Variants in LTBP1 observed in about 807,000 individuals in gnomAD.
The protein encoded by LTBP1 is latent transforming growth factor beta binding protein 1.
Under a neutral mutation model 207.6 loss-of-function variants are expected in LTBP1, and 129 were observed. The ratio of observed to expected loss-of-function variants is 0.62; its 90% CI spans 0.54 to 0.72. LTBP1 has a LOEUF of 0.72. LTBP1 is among the 30% of genes least tolerant of loss of function. The pLI, the probability that LTBP1 is intolerant of heterozygous loss-of-function variation, is 0.00. For missense variants in LTBP1, 2,281 were observed against 2,217.2 expected, an observed-to-expected ratio of 1.03 and a Z score of -0.58; for synonymous variants, 963 against 833.7, an observed-to-expected ratio of 1.16 and a Z score of -2.67.
intron 7 of LTBP1, among the ~76,000 whole-genome samples, chr2:33,208,905 T>A (rs554188012): frequency 1.4e-5 from 2 of 145,804 alleles, no homozygotes; most frequent in South Asian, 4.4e-4. Flanking sequence ...TCTCGCTCTG[T>A]CTCCCAGGCT....
At chr2:33,071,516 A>G (rs940569620) in intron 3 of LTBP1, among the ~76,000 whole-genome samples, 1 of 152,162 alleles carries the variant, frequency 6.6e-6, no homozygotes, top group Non-Finnish European at 1.5e-5. Context: ...CACAGCATCT[A>G]GGAGGTGGCT....
intron 24 of LTBP1, among the ~76,000 whole-genome samples, chr2:33,335,421 A>G (rs954501845): frequency 9.9e-5 from 15 of 151,922 alleles, no homozygotes; most frequent in Admixed American, 9.8e-4. Flanking sequence ...GCCTATTCCC[A>G]TCTCCTAGAA....
intron 31 of LTBP1, among the ~76,000 whole-genome samples, chr2:33,373,034 A>G (rs1398659425): frequency 1.3e-5 from 2 of 152,172 alleles, no homozygotes; most frequent in Non-Finnish European, 2.9e-5. Flanking sequence ...GTCTTTTTAT[A>G]TTGTTAAAAT....
chr2:33,142,845 C>T (rs141301995), intron 5 of LTBP1, among the ~76,000 whole-genome samples: 1 of 152,284 alleles, frequency 6.6e-6, no homozygotes, highest in Non-Finnish European at 1.5e-5. Flanking sequence ...TTGTGCTAGG[C>T]CAGCCTGGAA....
chr2:32,979,944 A>G (rs924708951), intron 2 of LTBP1, among the ~76,000 whole-genome samples: 5 of 152,014 alleles, frequency 3.3e-5, no homozygotes, highest in Non-Finnish European at 5.9e-5. Flanking sequence ...TTCTCTTTTT[A>G]TAATATTTGT....
intron 3 of LTBP1, among the ~76,000 whole-genome samples, chr2:33,093,773 G>T (rs2079234944): frequency 1.3e-5 from 2 of 151,922 alleles, no homozygotes; most frequent in Admixed American, 1.3e-4. Context: ...GAATTCCACT[G>T]AGAACTATTA....
intron 5 of LTBP1, among the ~76,000 whole-genome samples, chr2:33,171,995 C>T (rs2148449176): frequency 6.6e-6 from 1 of 152,334 alleles, no homozygotes; most frequent in South Asian, 2.1e-4. Flanking sequence ...CCTAAAAGAG[C>T]TCCTGAAGGA....
At chr2:33,331,504 G>A (rs943718598) in intron 24 of LTBP1, among the ~76,000 whole-genome samples, 8 of 151,946 alleles carry the variant, frequency 5.3e-5, no homozygotes, top group African/African-American at 1.9e-4. Flanking sequence ...TTAATATCCA[G>A]ATGTTTGGGT....
At chr2:33,282,899 C>T (rs2093587741) in intron 19 of LTBP1, among the ~76,000 whole-genome samples, 1 of 151,920 alleles carries the variant, frequency 6.6e-6, no homozygotes, top group Admixed American at 6.6e-5. Context: ...CCTGTCTCTA[C>T]TAAAAATACA....
At chr2:32,980,087 C>T (rs1314553092) in intron 2 of LTBP1, among the ~76,000 whole-genome samples, 1 of 151,940 alleles carries the variant, frequency 6.6e-6, no homozygotes, top group Non-Finnish European at 1.5e-5. Context: ...TTCTTATAGG[C>T]AACATACTGT....
intron 22 of LTBP1, among the ~76,000 whole-genome samples, chr2:33,304,040 G>GA (rs1165571690): frequency 6.6e-6 from 1 of 152,208 alleles, no homozygotes. Context: ...CATTTTAACA[G>GA]AAGTCTAAGG....
chr2:32,993,544 G>A (rs1684764882), intron 2 of LTBP1, among the ~76,000 whole-genome samples: 1 of 152,158 alleles, frequency 6.6e-6, no homozygotes, highest in South Asian at 2.1e-4. Context: ...ATGTTTAGAA[G>A]ACTTTTAGAA....
Position 32,995,042 on chromosome 2 carries a change from G to C in LTBP1, c.566-25867G>C, listed in dbSNP as rs1338645449. On this transcript the variant is annotated intron_variant, in intron 2 of 33. Transcript: ENST00000404816. ...CCATCTTTTAAAAAATACTTAGCTAGGTGTGGTAGTACGTGCCTGTAGTCT... is the reference window on the plus strand; with the variant it reads ...CCATCTTTTAAAAAATACTTAGCTACGTGTGGTAGTACGTGCCTGTAGTCT... Among the ~76,000 whole-genome samples, 3 of 152,092 alleles carry C rather than the reference G, an allele frequency of 2.0e-5. No homozygotes were observed. In the East Asian group the frequency reaches 5.8e-4, roughly 29 times the overall value.
At chr2:33,135,870 TACTC>T (rs1431416477) in intron 5 of LTBP1, among the ~76,000 whole-genome samples, 2 of 152,328 alleles carry the variant, frequency 1.3e-5, no homozygotes, top group South Asian at 2.1e-4. Context: ...CTTTCTGAGT[TACTC>T]ACAAGAATAA....
chr2:33,174,133 A>G (rs918269904), intron 5 of LTBP1, among the ~76,000 whole-genome samples: 12 of 147,810 alleles, frequency 8.1e-5, no homozygotes, highest in Admixed American at 1.4e-4. Flanking sequence ...CCTATTCAAC[A>G]TAGTGTTGGA....
At chr2:33,353,789 G>C (rs571560366) in intron 26 of LTBP1, among the ~76,000 whole-genome samples, 13 of 151,062 alleles carry the variant, frequency 8.6e-5, no homozygotes, top group East Asian at 2.0e-4. Context: ...TGGTAGTTCT[G>C]ACAATTGAAC....
chr2:33,397,598 C>G (rs1465728745), intron 33 of LTBP1, among the ~76,000 whole-genome samples: 2 of 149,050 alleles, frequency 1.3e-5, no homozygotes, highest in African/African-American at 2.5e-5. Flanking sequence ...ACTTCTGCCT[C>G]CCAGGTTCAA....
In LTBP1 at chr2:33,365,384, G is replaced by C. The variant is rs146440247; in HGVS notation, c.4592G>C (p.Ser1531Thr). The part of the protein sequence containing the change: ...VYQDLCWEHL[S>T]DEYVCSRPLV... ...CAAGATTTGTGCTGGGAACATCTGA[G>C]TGATGAATACGTGTGTAGCCGGCCT... is the stretch of plus-strand genomic sequence containing the variant. The change falls in exon 31 of 34, where the codon AGT (serine) becomes ACT (threonine). Residue 1531 changes from serine to threonine, a missense_variant. Physicochemically the swap from Ser to Thr is moderately conservative, Grantham distance 58. Coordinates refer to ENST00000404816, the MANE Select transcript of LTBP1 (RefSeq NM_206943.4). The C allele has an allele frequency of 1.2e-6, 2 of 1,614,080 alleles. No individual in the cohort carries two copies. Among genetic ancestry groups the C allele is most frequent in the East Asian group, 2.2e-5 (1 of 44,896 alleles).
At chr2:33,026,098 T>G (rs967598610) in intron 3 of LTBP1, among the ~76,000 whole-genome samples, 1 of 152,174 alleles carries the variant, frequency 6.6e-6, no homozygotes, top group Non-Finnish European at 1.5e-5. Flanking sequence ...GTTAAACACT[T>G]TGGGGAAAGA....
Sources: gnomAD v4.1 joint callset for allele counts (sites outside exome capture counted in the v4.1 genomes callset) on GRCh38, gnomAD v4.1.1 for gene constraint, MANE v1.5 for transcripts, NCBI Gene and HGNC (gene_info 2026-07-23, HGNC 2026-07-21) for gene names.